Variants in DACH2 observed in about 807,000 individuals in gnomAD.
DACH2 encodes the protein dachshund homolog 2.
DACH2 carries 17 observed loss-of-function variants against 35.8 expected under a neutral mutation model. That is an observed-to-expected ratio of 0.48 (90% CI 0.33 to 0.71). The LOEUF (loss-of-function observed/expected upper bound fraction) is 0.71. Among genes scored for constraint, DACH2 ranks in the 30% least tolerant of loss-of-function variants. The probability of loss-of-function intolerance (pLI) is 0.02; values close to 1 mark genes in which losing one functional copy is unlikely to be tolerated. For missense variants in DACH2, 469 were observed against 472.7 expected, an observed-to-expected ratio of 0.99 and a Z score of 0.07; for synonymous variants, 195 against 177.3, an observed-to-expected ratio of 1.10 and a Z score of -0.79.
intron 5 of DACH2, among the ~76,000 whole-genome samples, chrX:86,714,219 TAAG>T (rs1324095869): frequency 6.3e-5 from 7 of 111,974 alleles, no homozygotes; most frequent in Non-Finnish European, 7.5e-5. Flanking sequence ...TTATAATGAT[TAAG>T]AAGAAAGTTC....
At chrX:86,650,245 AT>A (rs1299114605) in intron 3 of DACH2, among the ~76,000 whole-genome samples, 1 of 105,959 alleles carries the variant, frequency 9.4e-6, no homozygotes, top group East Asian at 3.5e-4. Context: ...ACTTTTATTA[AT>A]ACAAAAGATT....
At chrX:86,389,054 A>G (rs2036163068) in intron 2 of DACH2, among the ~76,000 whole-genome samples, 1 of 111,597 alleles carries the variant, frequency 9.0e-6, no homozygotes, top group African/African-American at 3.3e-5. Context: ...TTATGGATTT[A>G]TTATTATTCC....
intron 11 of DACH2, among the ~76,000 whole-genome samples, chrX:86,826,716 T>C (rs901713841): frequency 3.6e-5 from 4 of 112,163 alleles, no homozygotes; most frequent in Admixed American, 2.9e-4. Flanking sequence ...ACAACTAAAG[T>C]TGAGTTTCTA....
intron 2 of DACH2, among the ~76,000 whole-genome samples, chrX:86,408,528 C>A (rs2036561091): frequency 3.6e-5 from 4 of 111,798 alleles, no homozygotes; most frequent in African/African-American, 1.3e-4. Flanking sequence ...TAAATAATGT[C>A]TTTTACACCA....
chrX:86,715,277 G>T (rs752834606), intron 6 of DACH2, among the ~76,000 whole-genome samples: 58 of 111,359 alleles, frequency 5.2e-4, no homozygotes, highest in African/African-American at 1.8e-3. Flanking sequence ...TAAAATATAT[G>T]TAAAAACCTG....
At chrX:86,669,710 T>C (rs1316055567) in intron 4 of DACH2, among the ~76,000 whole-genome samples, 1 of 111,402 alleles carries the variant, frequency 9.0e-6, no homozygotes. Context: ...TGAGAACACA[T>C]ATGGTTCCAT....
At chrX:86,227,622 C>G (rs749274716) in intron 1 of DACH2, among the ~76,000 whole-genome samples, 2 of 101,902 alleles carry the variant, frequency 2.0e-5, no homozygotes, top group Non-Finnish European at 4.0e-5. Context: ...CTGATAGATT[C>G]TTTTTTTTTT....
chrX:86,805,251 G>T (rs2042332633), intron 7 of DACH2, among the ~76,000 whole-genome samples: 1 of 112,751 alleles, frequency 8.9e-6, no homozygotes, highest in East Asian at 2.8e-4. Context: ...CATGAAAGCG[G>T]CCAAGGCTTA....
At chrX:86,600,700 T>C (rs2039778592) in intron 3 of DACH2, among the ~76,000 whole-genome samples, 1 of 111,822 alleles carries the variant, frequency 8.9e-6, no homozygotes, top group Non-Finnish European at 1.9e-5. Flanking sequence ...GATTTCAGGA[T>C]GTCATAGCCA....
At chrX:86,809,512 G>A (rs865792333) in intron 7 of DACH2, among the ~76,000 whole-genome samples, 5 of 108,347 alleles carry the variant, frequency 4.6e-5, no homozygotes, top group Non-Finnish European at 9.6e-5. Flanking sequence ...AGTTAAATAG[G>A]AAAAAAAAAT....
chrX:86,637,742 G>T (rs2040293062), intron 3 of DACH2, among the ~76,000 whole-genome samples: 1 of 110,971 alleles, frequency 9.0e-6, no homozygotes, highest in Non-Finnish European at 1.9e-5. Flanking sequence ...AGCTTGGGAG[G>T]AGGAAGCAGA....
intron 2 of DACH2, among the ~76,000 whole-genome samples, chrX:86,440,737 A>G (rs1235300478): frequency 9.0e-6 from 1 of 111,473 alleles, no homozygotes; most frequent in Admixed American, 9.6e-5. Flanking sequence ...TGGTGCAGAC[A>G]TTCTTTTTTA....
intron 6 of DACH2, among the ~76,000 whole-genome samples, chrX:86,721,634 G>C (rs1285796461): frequency 8.9e-6 from 1 of 111,736 alleles, no homozygotes; most frequent in Non-Finnish European, 1.9e-5. Flanking sequence ...CTGTTACCCA[G>C]ACAGTTCCAA....
chrX:86,421,795 ACTT>A (rs1186139589), intron 2 of DACH2, among the ~76,000 whole-genome samples: 1 of 111,134 alleles, frequency 9.0e-6, no homozygotes, highest in Non-Finnish European at 1.9e-5. Flanking sequence ...GGAGGGAGAA[ACTT>A]CTTAGGTATA....
At chrX:86,256,517 C>T (rs995533174) in intron 1 of DACH2, among the ~76,000 whole-genome samples, 3 of 111,580 alleles carry the variant, frequency 2.7e-5, no homozygotes, top group Non-Finnish European at 5.7e-5. Flanking sequence ...AGTACACATG[C>T]GCGTGAGACT....
At chrX:86,609,423 T>A (rs2039900962) in intron 3 of DACH2, among the ~76,000 whole-genome samples, 1 of 112,462 alleles carries the variant, frequency 8.9e-6, no homozygotes, top group African/African-American at 3.2e-5. Flanking sequence ...GAATTCTCTG[T>A]CAGAAAGTTC....
chrX:86,789,166 A>G (rs2042165124), intron 7 of DACH2, among the ~76,000 whole-genome samples: 1 of 112,148 alleles, frequency 8.9e-6, no homozygotes, highest in Non-Finnish European at 1.9e-5. Context: ...GTGATTTGTT[A>G]TTACAAATGG....
At chrX:86,293,097 A>G (rs2034345921) in intron 1 of DACH2, among the ~76,000 whole-genome samples, 1 of 93,298 alleles carries the variant, frequency 1.1e-5, no homozygotes, top group African/African-American at 4.2e-5. Context: ...TTGCTTTATG[A>G]ATCTGGGTGC....
intron 4 of DACH2, among the ~76,000 whole-genome samples, chrX:86,667,716 ATTCAAATGAGGAGAC>A (rs1445157192): frequency 8.9e-6 from 1 of 111,961 alleles, no homozygotes; most frequent in Non-Finnish European, 1.9e-5. Flanking sequence ...AAGAGTTAAA[ATTCAAATGAGGAGAC>A]TTCTCTCTCC....
Sources: allele counts gnomAD v4.1 joint callset (sites outside exome capture counted in the v4.1 genomes callset), GRCh38; gene constraint gnomAD v4.1.1; transcripts MANE v1.5; gene names NCBI Gene and HGNC (gene_info 2026-07-23, HGNC 2026-07-21).